The following SNAP25 variants were observed in gnomAD, a reference collection of about 807,000 sequenced individuals.
SNAP25 encodes the protein synaptosomal-associated protein 25.
Under a neutral mutation model 28.7 loss-of-function variants are expected in SNAP25, and 3 were observed. That is an observed-to-expected ratio of 0.10 (90% confidence interval 0.05 to 0.27). SNAP25 has a LOEUF of 0.27. SNAP25 is among the 10% of genes least tolerant of loss of function. SNAP25 has a pLI of 1.00. For synonymous variants in SNAP25, 61 were observed against 88.1 expected, an observed-to-expected ratio of 0.69 and a Z score of 1.72; for missense variants, 117 against 278.7, an observed-to-expected ratio of 0.42 and a Z score of 4.13.
chr20:10,262,493 C>T (rs74863367), intron 1 of SNAP25, among the ~76,000 whole-genome samples: 2,414 of 152,274 alleles, frequency 0.016, 67 homozygotes, highest in African/African-American at 0.055. Context: ...AAGCTGAGAA[C>T]ACAGAGAATT....
intron 7 of SNAP25, among the ~76,000 whole-genome samples, chr20:10,299,934 T>A (rs2064195212): frequency 6.6e-6 from 1 of 152,170 alleles, no homozygotes; most frequent in Non-Finnish European, 1.5e-5. Context: ...AGGGATAGAA[T>A]CAGAAAATGG....
At chr20:10,297,985 A>G (rs1466906316) in intron 6 of SNAP25, among the ~76,000 whole-genome samples, 1 of 134,320 alleles carries the variant, frequency 7.4e-6, no homozygotes, top group African/African-American at 3.0e-5. Flanking sequence ...CATTTCCTTT[A>G]AAAAAAAAAA....
At chr20:10,286,009 A>G (rs2063870011) in intron 4 of SNAP25, among the ~76,000 whole-genome samples, 1 of 152,208 alleles carries the variant, frequency 6.6e-6, no homozygotes, top group Non-Finnish European at 1.5e-5. Flanking sequence ...TCACATTTTA[A>G]AGGGCACTCA....
intron 1 of SNAP25, among the ~76,000 whole-genome samples, chr20:10,225,469 A>G (rs2225635): frequency 0.11 from 16,231 of 152,172 alleles, 937 homozygotes; most frequent in East Asian, 0.17. Context: ...CTTAACAATG[A>G]TTCCAGAGAA....
chr20:10,281,667 G>A (rs1397676414), intron 3 of SNAP25, among the ~76,000 whole-genome samples: 2 of 152,116 alleles, frequency 1.3e-5, no homozygotes, highest in African/African-American at 4.8e-5. Context: ...AAGTTCTTAC[G>A]CATCACACTT....
chr20:10,247,860 A>G (rs2063156654), intron 1 of SNAP25, among the ~76,000 whole-genome samples: 1 of 152,206 alleles, frequency 6.6e-6, no homozygotes, highest in African/African-American at 2.4e-5. Context: ...GCTTCAAACA[A>G]CATTCATTTA....
At chr20:10,251,555 G>A (rs1600686859) in intron 1 of SNAP25, among the ~76,000 whole-genome samples, 1 of 152,322 alleles carries the variant, frequency 6.6e-6, no homozygotes, top group East Asian at 1.9e-4. Flanking sequence ...TGCTCCTGAA[G>A]GAGCAATGAT....
chr20:10,270,469 C>T (rs866377667), intron 1 of SNAP25, among the ~76,000 whole-genome samples: 15 of 152,150 alleles, frequency 9.9e-5, no homozygotes, highest in Middle Eastern at 3.2e-3. Flanking sequence ...GAGGCCAAGG[C>T]AGGTGGATCT....
intron 1 of SNAP25, among the ~76,000 whole-genome samples, chr20:10,221,667 A>G (rs1335020164): frequency 6.6e-6 from 1 of 152,232 alleles, no homozygotes; most frequent in Non-Finnish European, 1.5e-5. Flanking sequence ...TTTTATTTTT[A>G]CTTTGTTAAA....
At chr20:10,265,009 G>A (rs1456979521) in intron 1 of SNAP25, among the ~76,000 whole-genome samples, 1 of 149,292 alleles carries the variant, frequency 6.7e-6, no homozygotes, top group Non-Finnish European at 1.5e-5. Context: ...AAGAGGCCCT[G>A]TTATGAGCCA....
chr20:10,269,103 T>C (rs556579218), intron 1 of SNAP25, among the ~76,000 whole-genome samples: 3 of 152,332 alleles, frequency 2.0e-5, no homozygotes, highest in Admixed American at 1.3e-4. Flanking sequence ...TTTTACTTCA[T>C]GCATTGTTTT....
rs538157380 is a variant in SNAP25 at position 10,291,358 on chromosome 20, G to A, written c.164-1803G>A. Among the ~76,000 whole-genome samples the A allele has an allele frequency of 7.3e-5, 11 of 151,242 alleles. No homozygotes were observed. In the South Asian group the frequency reaches 8.3e-4, roughly 11 times the overall value. ...CCCTAAGTGCTGGGATCACAGGCATGAGCCACCACACCCAGCTATATTTGC... is the reference window on the plus strand; with the variant it reads ...CCCTAAGTGCTGGGATCACAGGCATAAGCCACCACACCCAGCTATATTTGC... On this transcript the variant is annotated intron_variant, in intron 4 of 7. Transcript: ENST00000254976.
intron 3 of SNAP25, among the ~76,000 whole-genome samples, chr20:10,281,476 A>G (rs1311351435): frequency 1.3e-5 from 2 of 152,212 alleles, no homozygotes; most frequent in African/African-American, 4.8e-5. Context: ...TATCATTGTC[A>G]TCATCATCAA....
At chr20:10,256,594 T>C (rs949191810) in intron 1 of SNAP25, among the ~76,000 whole-genome samples, 1 of 152,316 alleles carries the variant, frequency 6.6e-6, no homozygotes, top group Middle Eastern at 3.4e-3. Context: ...TTTGGTAATA[T>C]ACCTCAGCTG....
At chr20:10,262,045 G>A (rs2063422743) in intron 1 of SNAP25, among the ~76,000 whole-genome samples, 1 of 152,098 alleles carries the variant, frequency 6.6e-6, no homozygotes, top group Non-Finnish European at 1.5e-5. Flanking sequence ...TTTAATTCAG[G>A]AGAGAAAGCC....
At chr20:10,220,272 A>G (rs557812871) in intron 1 of SNAP25, among the ~76,000 whole-genome samples, 14 of 152,228 alleles carry the variant, frequency 9.2e-5, no homozygotes, top group Non-Finnish European at 1.5e-4. Flanking sequence ...ACAAGCATTC[A>G]TCCACAAAAA....
At chr20:10,262,076 C>T (rs1348447701) in intron 1 of SNAP25, among the ~76,000 whole-genome samples, 1 of 152,062 alleles carries the variant, frequency 6.6e-6, no homozygotes, top group Non-Finnish European at 1.5e-5. Context: ...AGGCCAGCAC[C>T]CACCAGAGAA....
chr20:10,236,823 T>G (rs1651756131), intron 1 of SNAP25, among the ~76,000 whole-genome samples: 1 of 152,082 alleles, frequency 6.6e-6, no homozygotes, highest in Admixed American at 6.5e-5. Context: ...CATAGGGCAT[T>G]CTGATACCTG....
At chr20:10,244,733 CT>C (rs112632869) in intron 1 of SNAP25, among the ~76,000 whole-genome samples, 5,516 of 140,424 alleles carry the variant, frequency 0.039, 94 homozygotes, top group Middle Eastern at 0.07. Flanking sequence ...TTCTTTCTCT[CT>C]TTTTTTTTTT....
Sources: allele counts gnomAD v4.1 joint callset (sites outside exome capture counted in the v4.1 genomes callset), GRCh38; gene constraint gnomAD v4.1.1; transcripts MANE v1.5; gene names NCBI Gene and HGNC (gene_info 2026-07-23, HGNC 2026-07-21).